Variants in MAML3 observed in about 807,000 individuals in gnomAD.
The protein encoded by MAML3 is mastermind-like protein 3.
MAML3 carries 27 observed loss-of-function variants against 101.9 expected under a neutral mutation model. The observed-to-expected ratio is 0.27, with a 90% CI of 0.20 to 0.37. The LOEUF (loss-of-function observed/expected upper bound fraction) is 0.37, where lower values mean the gene tolerates loss of function less well. Ranked by LOEUF, MAML3 falls within the 10% of genes least tolerant of loss-of-function variation. MAML3 has a pLI of 1.00. For missense variants in MAML3, 1,316 were observed against 1,444.9 expected, an observed-to-expected ratio of 0.91 and a Z score of 1.45; for synonymous variants, 501 against 555.9, an observed-to-expected ratio of 0.90 and a Z score of 1.39.
intron 2 of MAML3, among the ~76,000 whole-genome samples, chr4:139,864,927 T>TTTG (rs1731866977): frequency 7.6e-6 from 1 of 131,012 alleles, no homozygotes; most frequent in Non-Finnish European, 1.6e-5. Flanking sequence ...AACTTGCTTT[T>TTTG]TTTTTTTTTT....
intron 1 of MAML3, among the ~76,000 whole-genome samples, chr4:140,126,498 C>T (rs1256348617): frequency 2.0e-5 from 3 of 152,194 alleles, no homozygotes; most frequent in Non-Finnish European, 4.4e-5. Flanking sequence ...CCTGGTGCTC[C>T]TCGCCAACTG....
chr4:140,122,342 TC>T (rs1728620428), intron 1 of MAML3, among the ~76,000 whole-genome samples: 2 of 149,120 alleles, frequency 1.3e-5, no homozygotes, highest in African/African-American at 2.5e-5. Flanking sequence ...TACCTCAGCC[TC>T]CCAAGTAGCT....
chr4:139,913,854 A>G (rs2111226575), intron 1 of MAML3, among the ~76,000 whole-genome samples: 1 of 152,324 alleles, frequency 6.6e-6, no homozygotes, highest in Non-Finnish European at 1.5e-5. Context: ...AAAAACAAAC[A>G]CAAAGCTTTC....
chr4:139,837,937 A>AAAG (rs199914125), intron 2 of MAML3, among the ~76,000 whole-genome samples: 4,980 of 152,100 alleles, frequency 0.033, 92 homozygotes, highest in Middle Eastern at 0.068. Flanking sequence ...GAAAAGAAAA[A>AAAG]AATATATACA....
chr4:140,090,187 T>C (rs1728020286), intron 1 of MAML3, among the ~76,000 whole-genome samples: 1 of 152,100 alleles, frequency 6.6e-6, no homozygotes, highest in South Asian at 2.1e-4. Context: ...ACGGTGGTGG[T>C]GGTGTTAATC....
intron 1 of MAML3, among the ~76,000 whole-genome samples, chr4:140,056,923 C>G (rs1357969789): frequency 6.6e-6 from 1 of 152,084 alleles, no homozygotes; most frequent in Non-Finnish European, 1.5e-5. Flanking sequence ...GGCACGAAGC[C>G]AGGAACATTA....
intron 2 of MAML3, among the ~76,000 whole-genome samples, chr4:139,786,159 C>T (rs181267107): frequency 1.3e-5 from 2 of 152,042 alleles, no homozygotes; most frequent in East Asian, 3.9e-4. Context: ...TGTCTGCAAA[C>T]GAGGCAGAGG....
At chr4:139,762,297 C>T (rs115252379) in intron 2 of MAML3, among the ~76,000 whole-genome samples, 1 of 152,166 alleles carries the variant, frequency 6.6e-6, no homozygotes, top group Admixed American at 6.5e-5. Context: ...AGAAAGGATG[C>T]AGCTTCACAG....
chr4:140,036,228 C>T (rs920614729), intron 1 of MAML3, among the ~76,000 whole-genome samples: 2 of 152,128 alleles, frequency 1.3e-5, no homozygotes, highest in African/African-American at 4.8e-5. Flanking sequence ...TTAAAATGAG[C>T]CAAGGGAACA....
intron 2 of MAML3, among the ~76,000 whole-genome samples, chr4:139,855,981 A>G (rs1407595434): frequency 6.6e-6 from 1 of 152,230 alleles, no homozygotes; most frequent in African/African-American, 2.4e-5. Context: ...ACACGGACTC[A>G]GTCCCCTTTG....
chr4:139,874,329 T>A (rs1356667711), intron 2 of MAML3, among the ~76,000 whole-genome samples: 1 of 152,070 alleles, frequency 6.6e-6, no homozygotes, highest in African/African-American at 2.4e-5. Context: ...GAAAAATAAA[T>A]AGTTTTTATT....
At chr4:139,841,930 C>T in intron 2 of MAML3, among the ~76,000 whole-genome samples, 1 of 152,216 alleles carries the variant, frequency 6.6e-6, no homozygotes, top group East Asian at 1.9e-4. Flanking sequence ...CACAGTGCCA[C>T]CTGGGCTAGA....
rs897693490 is a variant in MAML3 at position 139,962,387 on chromosome 4, T to C, written c.469-71420A>G. 4.6e-5 allele frequency among the ~76,000 whole-genome samples: 7 copies of C among 152,186 alleles called. 1 individual carries two copies. Among genetic ancestry groups the C allele is most frequent in the African/African-American group, 1.7e-4 (7 of 41,444 alleles). On this transcript the variant is annotated intron_variant, in intron 1 of 4. Transcript: ENST00000509479. ...GATATGTTCAAACAAATTCACCAGA[T>C]CTTGATTATGTTCTGGCAATTAAAG...
chr4:139,854,299 T>C lies in MAML3; in HGVS notation c.2079+35058A>G, dbSNP rs1050995816. Among the ~76,000 whole-genome samples the C allele has an allele frequency of 6.6e-5, 10 of 152,014 alleles. 1 individual carries two copies. Among genetic ancestry groups the C allele is most frequent in the Non-Finnish European group, 8.8e-5 (6 of 67,996 alleles). ...TTTATTACCTATACAGCTTCCTCAG[T>C]TCTCAGTGAGAAAATGGAGGGCCAG... is the stretch of plus-strand genomic sequence containing the variant. On this transcript the variant is annotated intron_variant, in intron 2 of 4. Transcript: ENST00000509479.
chr4:140,085,432 T>G (rs1297297956), intron 1 of MAML3, among the ~76,000 whole-genome samples: 2 of 152,146 alleles, frequency 1.3e-5, no homozygotes, highest in East Asian at 3.8e-4. Flanking sequence ...TCCCCACCCC[T>G]GGTTACCTGA....
chr4:139,755,864 CT>C (rs1156354726), intron 2 of MAML3, among the ~76,000 whole-genome samples: 1 of 152,176 alleles, frequency 6.6e-6, no homozygotes, highest in Non-Finnish European at 1.5e-5. Context: ...AAAAAACCCC[CT>C]AACTCTGTAA....
intron 2 of MAML3, among the ~76,000 whole-genome samples, chr4:139,835,003 G>T (rs1445449114): frequency 6.6e-6 from 1 of 152,238 alleles, no homozygotes; most frequent in Non-Finnish European, 1.5e-5. Context: ...TATGTTTCCT[G>T]TTGGCTGAGG....
At chr4:139,883,558 G>T (rs535660662) in intron 2 of MAML3, among the ~76,000 whole-genome samples, 11 of 152,210 alleles carry the variant, frequency 7.2e-5, no homozygotes, top group East Asian at 1.9e-4. Flanking sequence ...GACTGTGTGT[G>T]GGGGGGTTGT....
At chr4:140,113,535 G>A (rs1270733128) in intron 1 of MAML3, among the ~76,000 whole-genome samples, 1 of 152,072 alleles carries the variant, frequency 6.6e-6, no homozygotes, top group Non-Finnish European at 1.5e-5. Context: ...ACTGTTTTGG[G>A]AGAGTCAGAT....
Sources: allele counts gnomAD v4.1 joint callset (sites outside exome capture counted in the v4.1 genomes callset), GRCh38; gene constraint gnomAD v4.1.1; transcripts MANE v1.5; gene names NCBI Gene and HGNC (gene_info 2026-07-23, HGNC 2026-07-21).